The following MYZAP variants were observed in gnomAD, a reference collection of about 807,000 sequenced individuals.
MYZAP encodes the protein GRINL1A complex locus upstream.
Under a neutral mutation model 69.4 loss-of-function variants are expected in MYZAP, and 66 were observed. The observed-to-expected ratio is 0.95, with a 90% confidence interval of 0.78 to 1.17. The LOEUF (loss-of-function observed/expected upper bound fraction) is 1.17, where lower values mean the gene tolerates loss of function less well. Among genes scored for constraint, MYZAP ranks in the 50% most tolerant of loss-of-function variants. The pLI is 0.00. For missense variants in MYZAP, 611 were observed against 556.2 expected, an observed-to-expected ratio of 1.10 and a Z score of -0.99; for synonymous variants, 256 against 205.9, an observed-to-expected ratio of 1.24 and a Z score of -2.09.
chr15:57,609,559 C>T (rs1374987886), intron 2 of MYZAP, among the ~76,000 whole-genome samples: 1 of 152,144 alleles, frequency 6.6e-6, no homozygotes, highest in Non-Finnish European at 1.5e-5. Flanking sequence ...ACCTGCTCTC[C>T]ATATAATTCC....
chr15:57,600,590 A>G (rs2034347278), intron 1 of MYZAP, among the ~76,000 whole-genome samples: 1 of 152,186 alleles, frequency 6.6e-6, no homozygotes, highest in African/African-American at 2.4e-5. Flanking sequence ...GATTGGACCC[A>G]TGGGACCCCC....
intron 3 of MYZAP, among the ~76,000 whole-genome samples, chr15:57,621,006 A>G (rs1227927950): frequency 2.7e-5 from 4 of 147,834 alleles, no homozygotes; most frequent in Admixed American, 6.8e-5. Flanking sequence ...ATATTAGCAT[A>G]TATTTGATAT....
intron 3 of MYZAP, among the ~76,000 whole-genome samples, chr15:57,620,082 A>G (rs1252800145): frequency 1.3e-4 from 20 of 151,974 alleles, no homozygotes. Flanking sequence ...GCAGCACAAG[A>G]GCCAGCTCAG....
intron 10 of MYZAP, among the ~76,000 whole-genome samples, chr15:57,656,035 T>G (rs1342793444): frequency 6.6e-6 from 1 of 152,212 alleles, no homozygotes; most frequent in Non-Finnish European, 1.5e-5. Flanking sequence ...AATGCAGCTT[T>G]GTGAAGGGTA....
intron 11 of MYZAP, among the ~76,000 whole-genome samples, chr15:57,673,452 A>G (rs72745546): frequency 2.5e-5 from 3 of 118,912 alleles, no homozygotes; most frequent in South Asian, 5.8e-4. Context: ...ACGTGTGCGC[A>G]TGCGTGCATG....
chr15:57,603,955 T>C (rs370549172), intron 1 of MYZAP, among the ~76,000 whole-genome samples: 1 of 152,258 alleles, frequency 6.6e-6, no homozygotes, highest in Non-Finnish European at 1.5e-5. Context: ...TTTTTGCCTA[T>C]ACTTGTGAAA....
intron 1 of MYZAP, among the ~76,000 whole-genome samples, chr15:57,592,991 A>G (rs2033782954): frequency 6.6e-6 from 1 of 151,992 alleles, no homozygotes; most frequent in Non-Finnish European, 1.5e-5. Context: ...CAAAACCCCC[A>G]CTGGTTCTGT....
intron 11 of MYZAP, among the ~76,000 whole-genome samples, chr15:57,668,519 G>A (rs2038703890): frequency 6.6e-6 from 1 of 151,980 alleles, no homozygotes; most frequent in Admixed American, 6.6e-5. Flanking sequence ...GGCTTTGAAA[G>A]CTCCAAAATA....
chr15:57,608,115 A>G (rs555209791), intron 2 of MYZAP, among the ~76,000 whole-genome samples: 2 of 152,234 alleles, frequency 1.3e-5, no homozygotes, highest in Non-Finnish European at 2.9e-5. Flanking sequence ...GGCCCGATTG[A>G]CTTCTGTTGC....
At chr15:57,666,335 G>T (rs1278838955) in intron 11 of MYZAP, among the ~76,000 whole-genome samples, 1 of 152,150 alleles carries the variant, frequency 6.6e-6, no homozygotes, top group Non-Finnish European at 1.5e-5. Flanking sequence ...CTGATCCTGG[G>T]CTCGGAGAAA....
chr15:57,661,023 G>A (rs2038271017), intron 10 of MYZAP, among the ~76,000 whole-genome samples: 1 of 152,160 alleles, frequency 6.6e-6, no homozygotes, highest in African/African-American at 2.4e-5. Flanking sequence ...TGTTTGAAAT[G>A]CAGGCTGCCC....
chr15:57,604,460 C>A (rs2453091), intron 2 of MYZAP, 105 bp downstream of exon 2: 393,873 of 1,251,648 alleles, frequency 0.31, 66,146 homozygotes, highest in East Asian at 0.53. Context: ...GGTGTCTGCA[C>A]CTCTGTTGAG....
In MYZAP at chr15:57,632,753, C is replaced by G. The variant is rs536930579; in HGVS notation, c.804+194C>G. 8.5e-5 allele frequency among the ~76,000 whole-genome samples: 13 copies of G among 152,306 alleles called. No individual in the cohort carries two copies. In the East Asian group the frequency reaches 2.5e-3, roughly 29 times the overall value. On this transcript the variant is annotated intron_variant, in intron 7 of 12. Coordinates refer to ENST00000267853, the MANE Select transcript of MYZAP (RefSeq NM_001018100.5). ...CCTCTGCCTTTATTCATCCCCGTCT[C>G]TACTCAGAATAGCCCCTTGTCTCTG...
intron 11 of MYZAP, among the ~76,000 whole-genome samples, chr15:57,668,735 C>A (rs534409778): frequency 3.1e-4 from 47 of 151,848 alleles, no homozygotes; most frequent in Non-Finnish European, 4.1e-4. Flanking sequence ...TTTTATTGAG[C>A]TTTTAGTTTT....
chr15:57,610,600 T>C (rs2035043111), intron 2 of MYZAP, among the ~76,000 whole-genome samples: 1 of 152,218 alleles, frequency 6.6e-6, no homozygotes, highest in African/African-American at 2.4e-5. Context: ...TAGGGGTCTT[T>C]GCTGCTTCTT....
At chr15:57,603,940 C>T (rs2034575740) in intron 1 of MYZAP, among the ~76,000 whole-genome samples, 1 of 152,178 alleles carries the variant, frequency 6.6e-6, no homozygotes, top group African/African-American at 2.4e-5. Context: ...TTCCCTGTAA[C>T]TATATTTTTG....
chr15:57,685,158 GTATT>G lies in MYZAP; in HGVS notation c.*665_*668del, dbSNP rs2140693974. ...TTTCATTGGACCAGCTGAAATCACT[GTATT>G]TATTCAACTAGTGATTTTTTTTTCT... On this transcript the variant is annotated 3_prime_UTR_variant, in exon 13 of 13. Coordinates refer to ENST00000267853, the MANE Select transcript of MYZAP (RefSeq NM_001018100.5). 6.6e-6 allele frequency: 1 copy of G among 152,224 alleles called. No individual in the cohort carries two copies. Among genetic ancestry groups the G allele is most frequent in the African/African-American group, 2.4e-5 (1 of 41,516 alleles). 9.4% of individuals were successfully genotyped at this position (152,224 alleles called of 1,614,324 possible). A position where few individuals can be genotyped will look rare whatever the true frequency, so the allele number is the denominator to read the frequency against.
Position 57,629,630 on chromosome 15 carries a change from C to G in MYZAP, c.526-72C>G, listed in dbSNP as rs2036375305. 32 of 1,542,984 alleles carry G rather than the reference C, an allele frequency of 2.1e-5. No individual in the cohort carries two copies. In the South Asian group the frequency reaches 3.8e-4, roughly 19 times the overall value. Reference sequence around the variant, plus strand: ...CCAGTGCTTAATGATAAGGGGATGCCCCAGCATGTGGTGCAGCCCATGTGT... The same window carrying G: ...CCAGTGCTTAATGATAAGGGGATGCGCCAGCATGTGGTGCAGCCCATGTGT... On this transcript the variant is annotated intron_variant, in intron 5 of 12. Transcript: ENST00000267853.
At chr15:57,620,572 A>C (rs2035744142) in intron 3 of MYZAP, among the ~76,000 whole-genome samples, 1 of 152,248 alleles carries the variant, frequency 6.6e-6, no homozygotes, top group Admixed American at 6.5e-5. Flanking sequence ...AGTACTGTAG[A>C]GAAACTTGAA....
Sources: allele counts gnomAD v4.1 joint callset (sites outside exome capture counted in the v4.1 genomes callset), GRCh38; gene constraint gnomAD v4.1.1; transcripts MANE v1.5; gene names NCBI Gene and HGNC (gene_info 2026-07-23, HGNC 2026-07-21).